The following EPG5 variants were observed in gnomAD, a reference collection of about 807,000 sequenced individuals.
EPG5 encodes ectopic P-granules 5 autophagy tethering factor.
A neutral mutation model predicts 302.7 loss-of-function variants in EPG5; 159 were observed. The ratio of observed to expected loss-of-function variants is 0.53; its 90% CI spans 0.46 to 0.60. The LOEUF is 0.60. EPG5 is among the 20% of genes least tolerant of loss of function. The pLI is 0.00. For synonymous variants in EPG5, 1,158 were observed against 1,136.8 expected (o/e 1.02, Z -0.37); for missense variants, 2,896 against 3,092.4 (o/e 0.94, Z 1.51).
downstream of EPG5, chr18:45,843,073 C>A (rs2048338594): frequency 6.6e-6 from 1 of 152,278 alleles, no homozygotes; most frequent in Admixed American, 6.5e-5. Flanking sequence ...AAATGGAAAC[C>A]AGGCTCCCCT....
the EPG5 span, among the ~76,000 whole-genome samples, chr18:45,811,276 C>T: frequency 3.3e-5 from 5 of 152,158 alleles, no homozygotes; most frequent in Non-Finnish European, 7.4e-5. Flanking sequence ...AACAATTCCT[C>T]TAGAAAGCTC....
At chr18:45,884,105 T>C (rs536805725) in intron 30 of EPG5, among the ~76,000 whole-genome samples, 149 of 151,996 alleles carry the variant, frequency 9.8e-4, no homozygotes, top group Non-Finnish European at 1.2e-3. Flanking sequence ...TTTTCAAAAC[T>C]GTATTAAGTT....
chr18:45,904,187 A>G, intron 24 of EPG5, 70 bp from the exon 25 acceptor site: 2 of 1,531,436 alleles, frequency 1.3e-6, no homozygotes, highest in South Asian at 2.4e-5. Context: ...CTATGTATTT[A>G]ACTATAAAGT....
chr18:45,925,127 A>T (rs2050240299), intron 14 of EPG5, among the ~76,000 whole-genome samples: 1 of 152,222 alleles, frequency 6.6e-6, no homozygotes, highest in Non-Finnish European at 1.5e-5. Flanking sequence ...AAAAGGAATG[A>T]GAGGCAGAAG....
chr18:45,842,221 CT>C, the EPG5 span: 1 of 1,610,148 alleles, frequency 6.2e-7, no homozygotes, highest in African/African-American at 1.3e-5. Context: ...CATTTCAGCA[CT>C]GTAAAGAACA....
chr18:45,884,945 G>C, intron 29 of EPG5, 134 bp from the exon 30 acceptor site: 1 of 574,540 alleles, frequency 1.7e-6, no homozygotes. Context: ...ACAATCAAAA[G>C]ACAGCTAAAA....
Position 45,860,190 on chromosome 18 carries a change from A to C in EPG5, c.6923T>G (p.Leu2308Arg). ...QKMHGLVVLP[L>R]LTAACQSLAS... ...CAGGCTCTGGCAGGCTGCTGTTAAA[A>C]GGGGCAGCACCACCAGCCCATGCAT... is the stretch of plus-strand genomic sequence containing the variant. The change falls in exon 40 of 44, where the codon CTT (leucine) becomes CGT (arginine). Residue 2308 changes from leucine to arginine, a missense_variant. Transcript: ENST00000282041. 1.2e-6 allele frequency: 2 copies of C among 1,614,272 alleles called. No homozygotes were observed. Among genetic ancestry groups the C allele is most frequent in the East Asian group, 2.2e-5 (1 of 44,890 alleles).
chr18:45,952,185 G>C (rs983209482), intron 3 of EPG5, among the ~76,000 whole-genome samples: 34 of 152,202 alleles, frequency 2.2e-4, no homozygotes, highest in African/African-American at 5.8e-4. Flanking sequence ...TAGAGAAGCA[G>C]AGAAAGACAG....
At chr18:45,936,202 T>A (rs1339495949) in intron 10 of EPG5, among the ~76,000 whole-genome samples, 2 of 152,202 alleles carry the variant, frequency 1.3e-5, no homozygotes, top group Admixed American at 1.3e-4. Context: ...GTACTGTAAT[T>A]TACATATGAC....
chr18:45,867,476 G>T, intron 37 of EPG5, 87 bp downstream of exon 37: 1 of 1,130,478 alleles, frequency 8.8e-7, no homozygotes, highest in Non-Finnish European at 1.3e-6. Context: ...AGGGGCACTG[G>T]AAAAACAAAT....
In EPG5 at chr18:45,934,885, C is replaced by T. The variant is rs370714624; in HGVS notation, c.2181G>A (p.Met727Ile). Reference protein sequence around the residue: ...VQMLWKLFYLMHQVESENLQQ... With the variant: ...VQMLWKLFYLIHQVESENLQQ... ...GCAGGTTCTCGCTCTCCACCTGGTGCATGAGGTAGAAGAGCTTCCACAGCA... is the reference window on the plus strand; with the variant it reads ...GCAGGTTCTCGCTCTCCACCTGGTGTATGAGGTAGAAGAGCTTCCACAGCA... The change falls in exon 11 of 44, where the codon ATG (methionine) becomes ATA (isoleucine). Residue 727 changes from methionine to isoleucine, a missense_variant. Transcript: ENST00000282041. 65 of 1,614,044 alleles carry T rather than the reference C, an allele frequency of 4.0e-5. No homozygotes were observed. Among genetic ancestry groups the T allele is most frequent in the Non-Finnish European group, 5.4e-5 (64 of 1,180,034 alleles).
intron 24 of EPG5, among the ~76,000 whole-genome samples, chr18:45,906,965 A>G (rs1487908438): frequency 6.6e-6 from 1 of 152,184 alleles, no homozygotes; most frequent in African/African-American, 2.4e-5. Flanking sequence ...CATAATCTTG[A>G]TCACAAAATG....
Position 45,930,573 on chromosome 18 carries a change from C to CT in EPG5, c.2412+102dup, listed in dbSNP as rs1383618406. Reference sequence around the variant, plus strand: ...CCCTTCTCTGAAGTGTAGACAGTAGCTAAATAAGTCACAATTTGTAAAAGC... The same window carrying CT: ...CCCTTCTCTGAAGTGTAGACAGTAGCTTAAATAAGTCACAATTTGTAAAAGC... On this transcript the variant is annotated intron_variant, in intron 12 of 43. Coordinates refer to ENST00000282041, the MANE Select transcript of EPG5 (RefSeq NM_020964.3). 5.5e-6 allele frequency: 5 copies of CT among 901,370 alleles called. No individual in the cohort carries two copies. In the African/African-American group the frequency reaches 8.7e-5, roughly 16 times the overall value. The allele number at this position is 901,370 out of a possible 1,614,324, so 55.8% of individuals were successfully genotyped here.
chr18:45,967,079 T>G, intron 1 of EPG5, 98 bp downstream of exon 1: 1 of 1,210,352 alleles, frequency 8.3e-7, no homozygotes, highest in Non-Finnish European at 1.2e-6. Context: ...TGCAGAGGGC[T>G]CAGGGAACGG....
At chr18:45,829,205 C>CCA in the EPG5 span, 1 of 953,380 alleles carries the variant, frequency 1.0e-6, no homozygotes, top group African/African-American at 1.8e-5. Context: ...CACACCCACG[C>CCA]CACAGTCAGC....
intron 43 of EPG5, among the ~76,000 whole-genome samples, chr18:45,852,954 T>C (rs923492224): frequency 1.5e-4 from 23 of 152,348 alleles, no homozygotes; most frequent in African/African-American, 5.5e-4. Flanking sequence ...GCTGCTCTTG[T>C]TGCTGGGCGC....
intron 27 of EPG5, 129 bp downstream of exon 27, chr18:45,899,275 C>T: frequency 9.1e-7 from 1 of 1,096,072 alleles, no homozygotes; most frequent in Non-Finnish European, 1.3e-6. Context: ...TTTTCATGCC[C>T]TGCAAAACTA....
At chr18:45,913,634 C>T (rs766625621) in intron 21 of EPG5, 72 bp downstream of exon 21, 114 of 1,569,032 alleles carry the variant, frequency 7.3e-5, no homozygotes, top group Non-Finnish European at 9.6e-5. Flanking sequence ...AGCTCAAAAG[C>T]TACGGGTGAA....
At chr18:45,825,745 G>A in the EPG5 span, 2 of 1,614,248 alleles carry the variant, frequency 1.2e-6, no homozygotes, top group Non-Finnish European at 1.7e-6. Flanking sequence ...AAGTCCATCT[G>A]GCTGCTGGCC....
Sources: allele counts gnomAD v4.1 joint callset (sites outside exome capture counted in the v4.1 genomes callset), GRCh38; gene constraint gnomAD v4.1.1; transcripts MANE v1.5; gene names NCBI Gene and HGNC (gene_info 2026-07-23, HGNC 2026-07-21).